Variants in PIAS2 observed in about 807,000 individuals in gnomAD.
The protein encoded by PIAS2 is protein inhibitor of activated STAT 2.
In PIAS2, 19 loss-of-function variants were observed where a neutral mutation model predicts 69.7. The ratio of observed to expected loss-of-function variants is 0.27; its 90% CI spans 0.19 to 0.40. The LOEUF is 0.40. Among genes scored for constraint, PIAS2 ranks in the 10% least tolerant of loss-of-function variants. PIAS2 has a pLI of 1.00. For synonymous variants in PIAS2, 261 were observed against 263.2 expected (o/e 0.99, Z 0.08); for missense variants, 624 against 757.0 (o/e 0.82, Z 2.06).
intron 9 of PIAS2, among the ~76,000 whole-genome samples, chr18:46,833,303 A>G (rs1276332243): frequency 6.6e-6 from 1 of 152,242 alleles, no homozygotes; most frequent in East Asian, 1.9e-4. Context: ...CACATAGTTT[A>G]TGATTCCATT....
chr18:46,907,085 C>G (rs908263557), intron 1 of PIAS2, among the ~76,000 whole-genome samples: 2 of 152,136 alleles, frequency 1.3e-5, no homozygotes, highest in Non-Finnish European at 2.9e-5. Context: ...CCGGAGATAT[C>G]TGCCAATGGA....
intron 6 of PIAS2, among the ~76,000 whole-genome samples, chr18:46,845,646 T>C (rs1454512335): frequency 6.6e-6 from 1 of 151,906 alleles, no homozygotes; most frequent in Non-Finnish European, 1.5e-5. Flanking sequence ...AAAAAAAACC[T>C]ATCTTCCCAT....
chr18:46,885,679 G>A (rs1426074442), intron 2 of PIAS2, among the ~76,000 whole-genome samples: 1 of 150,462 alleles, frequency 6.6e-6, no homozygotes, highest in Non-Finnish European at 1.5e-5. Flanking sequence ...GCGAGACTCC[G>A]TCTCAAAAAA....
At chr18:46,813,708 G>A (rs1295571748) in intron 13 of PIAS2, among the ~76,000 whole-genome samples, 1 of 152,122 alleles carries the variant, frequency 6.6e-6, no homozygotes, top group Non-Finnish European at 1.5e-5. Context: ...AACAGTCCCA[G>A]GTTTAAGTTG....
intron 2 of PIAS2, among the ~76,000 whole-genome samples, chr18:46,872,480 G>A (rs1373673534): frequency 6.6e-6 from 1 of 152,140 alleles, no homozygotes; most frequent in Admixed American, 6.5e-5. Context: ...GAACAAATTT[G>A]TACCCCCAAA....
In PIAS2 at chr18:46,811,257, A is replaced by T. The variant is rs970175819; in HGVS notation, c.*1176T>A. On this transcript the variant is annotated 3_prime_UTR_variant, in exon 14 of 14. Coordinates refer to ENST00000585916, the MANE Select transcript of PIAS2 (RefSeq NM_004671.5). The stretch of plus-strand genomic sequence containing the variant: ...GTAGTTTCAGGTAAGATATCATTTT[A>T]AAAAAATGAAAAAAAAAAAAAATCT... 14 of 151,790 alleles carry T rather than the reference A, an allele frequency of 9.2e-5. No individual in the cohort carries two copies. The highest frequency in any genetic ancestry group is 2.2e-4 in the African/African-American group (9 of 41,406). 9.4% of individuals were successfully genotyped at this position (151,790 alleles called of 1,614,324 possible). A position where few individuals can be genotyped will look rare whatever the true frequency, so the allele number is the denominator to read the frequency against.
intron 3 of PIAS2, among the ~76,000 whole-genome samples, chr18:46,856,139 G>GGGACTACA (rs1046385643): frequency 2.0e-5 from 3 of 150,906 alleles, no homozygotes; most frequent in Non-Finnish European, 2.9e-5. Flanking sequence ...CCGAGTAGCT[G>GGGACTACA]GGACTACAGG....
Position 46,890,735 on chromosome 18 carries a change from G to T in PIAS2, c.344C>A (p.Ser115Tyr). ...AAGCAGCACAGAACCAACAGGAGAG[G>T]ATGGTGAGTGAGGTGTAACTGAAGT... ...PSTSVTPHSPSSPVGSVLLQD... is the reference protein window; with the variant it reads ...PSTSVTPHSPYSPVGSVLLQD... Residue 115 changes from serine (S) to tyrosine (Y), a missense_variant, in exon 2 of 14, where the codon TCC becomes TAC. Physicochemically the swap from Ser to Tyr is moderately radical, Grantham distance 144. Transcript: ENST00000585916. The T allele has an allele frequency of 6.2e-7, 1 of 1,614,174 alleles. No homozygotes were observed. The highest frequency in any genetic ancestry group is 2.2e-5 in the East Asian group (1 of 44,888).
At chr18:46,867,404 A>C (rs1010358692) in intron 2 of PIAS2, among the ~76,000 whole-genome samples, 4 of 152,224 alleles carry the variant, frequency 2.6e-5, no homozygotes, top group Admixed American at 2.6e-4. Flanking sequence ...ACAGAACAGC[A>C]GCCAAAAGCA....
At chr18:46,855,293 C>G in intron 5 of PIAS2, 52 bp downstream of exon 5, 1 of 1,118,748 alleles carries the variant, frequency 8.9e-7, no homozygotes, top group East Asian at 2.4e-5. Flanking sequence ...TAGGCCTTGT[C>G]AGTGTTTATA....
chr18:46,864,885 G>C lies in PIAS2; in HGVS notation c.500-637C>G, dbSNP rs183197387. 2.8e-3 allele frequency among the ~76,000 whole-genome samples: 421 copies of C among 151,946 alleles called. 2 individuals carry two copies. In the Middle Eastern group the frequency reaches 0.034, roughly 12 times the overall value. The stretch of plus-strand genomic sequence containing the variant: ...AAGGAAGTCAAAATGCTCCCCAGGA[G>C]AACTGTATTCAAGAATTAAATGTTT... On this transcript the variant is annotated intron_variant, in intron 2 of 13. Coordinates refer to ENST00000585916, the MANE Select transcript of PIAS2 (RefSeq NM_004671.5).
chr18:46,874,634 T>C (rs1021096166), intron 2 of PIAS2, among the ~76,000 whole-genome samples: 2 of 152,198 alleles, frequency 1.3e-5, no homozygotes, highest in Non-Finnish European at 2.9e-5. Flanking sequence ...CGGAAAGATA[T>C]TGGCTTATCT....
intron 8 of PIAS2, among the ~76,000 whole-genome samples, chr18:46,838,668 C>T (rs138688719): frequency 6.6e-6 from 1 of 152,312 alleles, no homozygotes; most frequent in East Asian, 1.9e-4. Context: ...CAGAATCTTA[C>T]AGTATGCCCA....
intron 2 of PIAS2, among the ~76,000 whole-genome samples, chr18:46,872,228 C>T (rs1043185795): frequency 6.6e-6 from 1 of 152,246 alleles, no homozygotes; most frequent in Non-Finnish European, 1.5e-5. Context: ...ACTACCCACC[C>T]TGTTGTTCCC....
chr18:46,815,997 G>C, intron 12 of PIAS2: 2 of 985,030 alleles, frequency 2.0e-6, no homozygotes, highest in Non-Finnish European at 2.4e-6. Context: ...AGGTTGTCCA[G>C]TAATATACTT....
intron 11 of PIAS2, among the ~76,000 whole-genome samples, chr18:46,822,552 G>C (rs2042292261): frequency 6.6e-6 from 1 of 152,166 alleles, no homozygotes; most frequent in Non-Finnish European, 1.5e-5. Context: ...AGCAATGTTA[G>C]AAAAGGCAGA....
chr18:46,858,167 T>C (rs1420374619), intron 3 of PIAS2, among the ~76,000 whole-genome samples: 1 of 145,880 alleles, frequency 6.9e-6, no homozygotes, highest in Non-Finnish European at 1.5e-5. Flanking sequence ...GAAACACAAA[T>C]GGGAAAGCCT....
At chr18:46,901,010 A>ACAACAATT (rs1270873387) in intron 1 of PIAS2, 1 of 404,138 alleles carries the variant, frequency 2.5e-6, no homozygotes, top group Admixed American at 3.5e-5. Context: ...GGAAGAACTA[A>ACAACAATT]CAACAATTCA....
intron 2 of PIAS2, among the ~76,000 whole-genome samples, chr18:46,865,475 G>A (rs577879171): frequency 5.3e-5 from 8 of 149,946 alleles, no homozygotes; most frequent in African/African-American, 2.0e-4. Flanking sequence ...GGGAGGTGGA[G>A]GTTGCAGTGC....
Sources: gnomAD v4.1 joint callset for allele counts (sites outside exome capture counted in the v4.1 genomes callset) on GRCh38, gnomAD v4.1.1 for gene constraint, MANE v1.5 for transcripts, NCBI Gene and HGNC (gene_info 2026-07-23, HGNC 2026-07-21) for gene names.